Variants in KSR2 observed in about 807,000 individuals in gnomAD.
KSR2 encodes kinase suppressor of ras 2.
In KSR2, 25 loss-of-function variants were observed where a neutral mutation model predicts 107.8. The ratio of observed to expected loss-of-function variants is 0.23; its 90% confidence interval spans 0.17 to 0.32. KSR2 has a LOEUF of 0.32. KSR2 is among the 10% of genes least tolerant of loss of function. The pLI is 1.00. For synonymous variants in KSR2, 480 were observed against 507.0 expected (o/e 0.95, Z 0.71); for missense variants, 887 against 1,268.9 (o/e 0.70, Z 4.57).
intron 3 of KSR2, among the ~76,000 whole-genome samples, chr12:117,812,038 G>A (rs2137051434): frequency 6.6e-6 from 1 of 152,260 alleles, no homozygotes; most frequent in Non-Finnish European, 1.5e-5. Context: ...CAAGGAGCAG[G>A]CAGGATTTTT....
rs144775984 is a variant in KSR2, at chr12:117,654,557, G to A, written c.1171+12917C>T. ...AAATCTTCCCAGTGGGCAGAACTTC[G>A]AGCAGTGCACCTGGTTGTGGACTTT... On this transcript the variant is annotated intron_variant, in intron 5 of 19. Transcript: ENST00000339824. Among the ~76,000 whole-genome samples, 4 of 152,310 alleles carry A rather than the reference G, an allele frequency of 2.6e-5. No individual in the cohort carries two copies. In the East Asian group the frequency reaches 7.7e-4, roughly 29 times the overall value.
At chr12:117,953,816 A>G (rs1896433582) in intron 1 of KSR2, among the ~76,000 whole-genome samples, 1 of 152,248 alleles carries the variant, frequency 6.6e-6, no homozygotes, top group Admixed American at 6.5e-5. Flanking sequence ...GGCAGGGCAC[A>G]GTGACTCATG....
At chr12:117,677,617 T>C (rs11068617) in intron 4 of KSR2, among the ~76,000 whole-genome samples, 40,709 of 152,074 alleles carry the variant, frequency 0.27, 5,646 homozygotes, top group South Asian at 0.31. Context: ...GATTCTTTGG[T>C]GCCATAACTC....
intron 5 of KSR2, among the ~76,000 whole-genome samples, chr12:117,591,148 C>G (rs1418793752): frequency 1.3e-5 from 2 of 152,158 alleles, no homozygotes; most frequent in Non-Finnish European, 2.9e-5. Context: ...TTCTTTCAAC[C>G]CCTCACTGTC....
chr12:117,839,183 G>C (rs1892363532), intron 3 of KSR2, among the ~76,000 whole-genome samples: 1 of 152,134 alleles, frequency 6.6e-6, no homozygotes, highest in Non-Finnish European at 1.5e-5. Context: ...AATTATAAAG[G>C]CTTCAACCTT....
chr12:117,667,501 C>T lies in KSR2; in HGVS notation c.1144G>A (p.Val382Ile), dbSNP rs1485095679. Reference protein sequence around the residue: ...HAPFLPSTPPVHTEANFSANT... With the variant: ...HAPFLPSTPPIHTEANFSANT... ...GCAGAGAAGTTGGCCTCAGTGTGAA[C>T]AGGAGGGGTGGAAGGCAGGAAAGGT... Residue 382 changes from valine to isoleucine, a missense_variant, in exon 5 of 20, where the codon GTT becomes ATT. Coordinates refer to ENST00000339824, the MANE Select transcript of KSR2 (RefSeq NM_173598.6). 6.2e-7 allele frequency: 1 copy of T among 1,611,912 alleles called. No individual in the cohort carries two copies. The highest frequency in any genetic ancestry group is 1.1e-5 in the South Asian group (1 of 90,524).
chr12:117,615,999 C>T (rs1259765827), intron 5 of KSR2, among the ~76,000 whole-genome samples: 2 of 151,852 alleles, frequency 1.3e-5, no homozygotes, highest in Non-Finnish European at 2.9e-5. Context: ...CAAAAAAACA[C>T]AAAACTTAGC....
At chr12:117,730,303 C>T (rs1175980224) in intron 4 of KSR2, among the ~76,000 whole-genome samples, 2 of 152,116 alleles carry the variant, frequency 1.3e-5, no homozygotes, top group African/African-American at 4.8e-5. Flanking sequence ...GATGATAAAA[C>T]CTACCTCGTG....
intron 1 of KSR2, among the ~76,000 whole-genome samples, chr12:117,888,616 T>C (rs1894247086): frequency 6.6e-6 from 1 of 152,282 alleles, no homozygotes; most frequent in East Asian, 1.9e-4. Flanking sequence ...CTCTCCACCA[T>C]GTGAGGACAC....
intron 1 of KSR2, among the ~76,000 whole-genome samples, chr12:117,911,265 C>T (rs1895006829): frequency 6.6e-6 from 1 of 151,946 alleles, no homozygotes; most frequent in Non-Finnish European, 1.5e-5. Context: ...CTTGCTTTGG[C>T]CAATGGAATA....
At chr12:117,730,994 C>T (rs1887651916) in intron 4 of KSR2, among the ~76,000 whole-genome samples, 1 of 151,650 alleles carries the variant, frequency 6.6e-6, no homozygotes, top group Admixed American at 6.6e-5. Flanking sequence ...AGGAGCCCCT[C>T]TGCCCAGCCG....
At position 117,861,378 on chromosome 12, in the gene KSR2, C is replaced by CTTTTT. The variant is rs5801257; in HGVS notation, c.181-952_181-948dup. 1.6e-4 allele frequency among the ~76,000 whole-genome samples: 13 copies of CTTTTT among 81,678 alleles called. 1 individual carries two copies. Among genetic ancestry groups the CTTTTT allele is most frequent in the African/African-American group, 4.0e-4 (7 of 17,570 alleles). 53.6% of individuals were successfully genotyped at this position (81,678 alleles called of 152,430 possible). Reference sequence around the variant, plus strand: ...TCTGTCCACAAGGACTCCCAATTCGCTTTTTTTTTTTTTTTTTTTTTTTTT... The same window carrying CTTTTT: ...TCTGTCCACAAGGACTCCCAATTCGCTTTTTTTTTTTTTTTTTTTTTTTTTTTTTT... On this transcript the variant is annotated intron_variant, in intron 1 of 19. Coordinates refer to ENST00000339824, the MANE Select transcript of KSR2 (RefSeq NM_173598.6).
At chr12:117,913,087 C>T (rs1035069470) in intron 1 of KSR2, among the ~76,000 whole-genome samples, 6 of 152,154 alleles carry the variant, frequency 3.9e-5, no homozygotes, top group African/African-American at 1.2e-4. Flanking sequence ...GTGACATCTC[C>T]GACTAGAAAA....
chr12:117,518,501 G>A (rs755048049), intron 14 of KSR2, among the ~76,000 whole-genome samples: 18 of 152,178 alleles, frequency 1.2e-4, no homozygotes, highest in Non-Finnish European at 2.2e-4. Flanking sequence ...GCCCTTTGGC[G>A]CTGGGTTTCC....
intron 1 of KSR2, among the ~76,000 whole-genome samples, chr12:117,944,939 T>C (rs1218469023): frequency 6.6e-6 from 1 of 151,640 alleles, no homozygotes; most frequent in Non-Finnish European, 1.5e-5. Context: ...TCAGAGAAAA[T>C]AGTTTTCAGA....
chr12:117,704,598 G>A (rs1359729031), intron 4 of KSR2, among the ~76,000 whole-genome samples: 1 of 152,050 alleles, frequency 6.6e-6, no homozygotes, highest in Non-Finnish European at 1.5e-5. Flanking sequence ...GTGGCTCACA[G>A]CTGTAATCCC....
intron 14 of KSR2, among the ~76,000 whole-genome samples, chr12:117,516,307 G>T (rs562028573): frequency 6.6e-6 from 1 of 152,208 alleles, no homozygotes; most frequent in South Asian, 2.1e-4. Context: ...TCTCCCTCTG[G>T]ATGGCTCAAA....
chr12:117,570,659 G>A (rs541848927), intron 7 of KSR2, among the ~76,000 whole-genome samples: 10 of 152,250 alleles, frequency 6.6e-5, no homozygotes, highest in African/African-American at 2.2e-4. Flanking sequence ...GTTTTGCAAC[G>A]AAATAAATGC....
intron 4 of KSR2, among the ~76,000 whole-genome samples, chr12:117,745,411 T>G (rs1039665578): frequency 6.6e-6 from 1 of 152,162 alleles, no homozygotes; most frequent in Non-Finnish European, 1.5e-5. Flanking sequence ...AAATGACTTA[T>G]GGAGTAGGAG....
Sources: allele counts gnomAD v4.1 joint callset (sites outside exome capture counted in the v4.1 genomes callset), GRCh38; gene constraint gnomAD v4.1.1; transcripts MANE v1.5; gene names NCBI Gene and HGNC (gene_info 2026-07-23, HGNC 2026-07-21).